POLQ: variants seen among roughly 807,000 people sequenced by gnomAD.
POLQ encodes epididymis secretory sperm binding protein.
Under a neutral mutation model 259.2 loss-of-function variants are expected in POLQ, and 233 were observed. The observed-to-expected ratio is 0.90, with a 90% CI of 0.81 to 1.00. The LOEUF is 1.00. POLQ is among the 50% of genes least tolerant of loss of function. POLQ has a pLI of 0.00. For missense variants in POLQ, 2,871 were observed against 3,051.6 expected (o/e 0.94, Z 1.39); for synonymous variants, 1,025 against 1,048.8 (o/e 0.98, Z 0.44).
Position 121,485,107 on chromosome 3 carries a change from G to A in POLQ, c.5707C>T (p.Leu1903=). 1 of 1,612,218 alleles carries A rather than the reference G, an allele frequency of 6.2e-7. No individual in the cohort carries two copies. The highest frequency in any genetic ancestry group is 1.3e-5 in the African/African-American group (1 of 74,990). Residue 1903 remains leucine, a synonymous_variant, in exon 17 of 30, where the codon CTG becomes TTG. Transcript: ENST00000264233. ...KGCDDTLVVG[L]AVCWGGRDAY... ...TCCCTTCCACCCCAGCATACTGCCA[G>A]TCCAACCACCAAGGTGTCATCACAA...
In POLQ at chr3:121,457,215, C is replaced by G. The variant is rs867523304; in HGVS notation, c.7152+2835G>C. Among the ~76,000 whole-genome samples the G allele has an allele frequency of 1.1e-3, 164 of 152,290 alleles. 1 individual carries two copies. Among genetic ancestry groups the G allele is most frequent in the African/African-American group, 3.7e-3 (153 of 41,572 alleles). ...CCTGAAACTGGATCCCTTCCTTACA[C>G]CTTATACAAAAATTAATTCAAGATG... On this transcript the variant is annotated intron_variant, in intron 25 of 29. Coordinates refer to ENST00000264233, the MANE Select transcript of POLQ (RefSeq NM_199420.4).
intron 1 of POLQ, 109 bp downstream of exon 1, chr3:121,545,606 C>T: frequency 9.5e-7 from 1 of 1,052,502 alleles, no homozygotes; most frequent in African/African-American, 1.6e-5. Flanking sequence ...GGAGTAGAAG[C>T]CCAATGGGGT....
chr3:121,435,371 C>T (rs2047534302), intron 28 of POLQ, among the ~76,000 whole-genome samples: 1 of 152,088 alleles, frequency 6.6e-6, no homozygotes, highest in South Asian at 2.1e-4. Flanking sequence ...AGCAAAGGAA[C>T]ATATGTGATA....
rs1461127434 is a variant in POLQ at position 121,455,720 on chromosome 3, T to G, written c.7152+4330A>C. 3.3e-5 allele frequency among the ~76,000 whole-genome samples: 5 copies of G among 152,152 alleles called. No homozygotes were observed. In the East Asian group the frequency reaches 7.7e-4, roughly 24 times the overall value. On this transcript the variant is annotated intron_variant, in intron 25 of 29. Coordinates refer to ENST00000264233, the MANE Select transcript of POLQ (RefSeq NM_199420.4). ...ATCTCTGAATAGACCAATAACAGGC[T>G]CTGAAATTGTGGCAATAATCAATAG...
intron 7 of POLQ, among the ~76,000 whole-genome samples, chr3:121,522,733 A>G (rs2048346299): frequency 2.0e-5 from 3 of 152,202 alleles, no homozygotes; most frequent in African/African-American, 4.8e-5. Flanking sequence ...AATGTGCGCC[A>G]AAGTTTAGGA....
At chr3:121,490,973 C>G (rs1024449223) in intron 15 of POLQ, among the ~76,000 whole-genome samples, 3 of 151,980 alleles carry the variant, frequency 2.0e-5, no homozygotes, top group Non-Finnish European at 4.4e-5. Context: ...GAGAATCACT[C>G]GAACCCAGGA....
At chr3:121,450,251 C>A (rs1269787600) in intron 25 of POLQ, among the ~76,000 whole-genome samples, 1 of 152,048 alleles carries the variant, frequency 6.6e-6, no homozygotes, top group Non-Finnish European at 1.5e-5. Flanking sequence ...TAAATAAAAT[C>A]TAAAAAGATA....
At chr3:121,543,328 C>T (rs1199191272) in intron 2 of POLQ, among the ~76,000 whole-genome samples, 6 of 152,206 alleles carry the variant, frequency 3.9e-5, no homozygotes, top group Non-Finnish European at 4.4e-5. Flanking sequence ...AATACAAGTA[C>T]TTTCTATGTG....
At chr3:121,436,329 C>A (rs1384478887) in intron 27 of POLQ, 54 bp from the exon 28 acceptor site, 9 of 1,582,844 alleles carry the variant, frequency 5.7e-6, no homozygotes, top group Non-Finnish European at 6.1e-6. Flanking sequence ...TGGTTTCATA[C>A]TTTCCTTTAG....
intron 9 of POLQ, among the ~76,000 whole-genome samples, chr3:121,514,022 CAA>C (rs1185320178): frequency 7.2e-5 from 2 of 27,652 alleles, no homozygotes; most frequent in African/African-American, 1.3e-4. Context: ...AACTCCATCT[CAA>C]AAAAAAAAAA....
At chr3:121,495,565 C>A (rs181451429) in intron 14 of POLQ, among the ~76,000 whole-genome samples, 13 of 152,082 alleles carry the variant, frequency 8.5e-5, no homozygotes, top group Admixed American at 8.5e-4. Context: ...CCCTCCCGGC[C>A]GGGCGCGGGT....
chr3:121,542,948 T>C (rs1399462713), intron 2 of POLQ, among the ~76,000 whole-genome samples: 2 of 151,852 alleles, frequency 1.3e-5, no homozygotes, highest in Non-Finnish European at 2.9e-5. Context: ...GATTGTGCCA[T>C]TGTACTCCAG....
At chr3:121,453,949 A>C (rs1315898848) in intron 25 of POLQ, among the ~76,000 whole-genome samples, 2 of 152,246 alleles carry the variant, frequency 1.3e-5, no homozygotes, top group Non-Finnish European at 2.9e-5. Flanking sequence ...CAAAGTTGAA[A>C]TGAAGGAAAA....
chr3:121,453,030 T>C (rs2047693775), intron 25 of POLQ, among the ~76,000 whole-genome samples: 1 of 152,182 alleles, frequency 6.6e-6, no homozygotes, highest in African/African-American at 2.4e-5. Context: ...TGGGTACTCC[T>C]CTGAGACAAA....
intron 29 of POLQ, 82 bp from the exon 30 acceptor site, chr3:121,432,499 A>G: frequency 1.4e-6 from 2 of 1,433,776 alleles, no homozygotes; most frequent in Middle Eastern, 1.8e-4. Context: ...GTTATAAACC[A>G]GACTGGAGCT....
intron 24 of POLQ, among the ~76,000 whole-genome samples, chr3:121,461,726 A>C (rs1189953574): frequency 6.6e-6 from 1 of 152,084 alleles, no homozygotes; most frequent in Non-Finnish European, 1.5e-5. Context: ...CAGAATGCTA[A>C]TTTTGTGTAA....
In POLQ at chr3:121,533,061, T is replaced by G. The variant is rs1380011332; in HGVS notation, c.889A>C (p.Lys297Gln). The G allele has an allele frequency of 6.2e-7, 1 of 1,613,952 alleles. No individual in the cohort carries two copies. Among genetic ancestry groups the G allele is most frequent in the African/African-American group, 1.3e-5 (1 of 74,920 alleles). ...FRPVPLLESV[K>Q]VGNSIYDSSM... ...GAGTCATATATGGAATTTCCAACTT[T>G]TACTGACTCCAAAAGCGGTACAGGG... is the stretch of plus-strand genomic sequence containing the variant. The change falls in exon 6 of 30, where the codon AAA becomes CAA. Residue 297 changes from lysine (K) to glutamine (Q), a missense_variant. By Grantham distance (53) the Lys-to-Gln change is moderately conservative. Transcript: ENST00000264233.
chr3:121,453,867 G>A (rs2047703979), intron 25 of POLQ, among the ~76,000 whole-genome samples: 1 of 152,140 alleles, frequency 6.6e-6, no homozygotes, highest in South Asian at 2.1e-4. Flanking sequence ...TTCACATTCA[G>A]GAAATCCAGA....
rs573769867 is a variant in POLQ, at chr3:121,450,354, C to T, written c.7153-928G>A. On this transcript the variant is annotated intron_variant, in intron 25 of 29. Transcript: ENST00000264233. ...CCCCAAGTTTTCTATTTTATTTTTT[C>T]GCTTTTTTATTATTTATTTATTTTT... Among the ~76,000 whole-genome samples the T allele has an allele frequency of 2.0e-3, 298 of 151,460 alleles. 3 individuals carry two copies. Among genetic ancestry groups the T allele is most frequent in the East Asian group, 4.1e-3 (21 of 5,156 alleles).
Sources: allele counts gnomAD v4.1 joint callset (sites outside exome capture counted in the v4.1 genomes callset), GRCh38; gene constraint gnomAD v4.1.1; transcripts MANE v1.5; gene names NCBI Gene and HGNC (gene_info 2026-07-23, HGNC 2026-07-21).